The following C2 variants were observed in gnomAD, a reference collection of about 807,000 sequenced individuals.
C2 encodes the protein complement C2, also known as C3/C5 convertase.
In C2, 64 loss-of-function variants were observed where a neutral mutation model predicts 85.2. The observed-to-expected ratio is 0.75, with a 90% CI of 0.61 to 0.92. C2 has a LOEUF of 0.92. Among genes scored for constraint, C2 ranks in the 40% least tolerant of loss-of-function variants. The probability of loss-of-function intolerance (pLI) is 0.00; values close to 1 mark genes in which losing one functional copy is unlikely to be tolerated. For missense variants in C2, 820 were observed against 971.6 expected, an observed-to-expected ratio of 0.84 and a Z score of 2.07; for synonymous variants, 311 against 370.8, an observed-to-expected ratio of 0.84 and a Z score of 1.85.
intron 1 of C2, chr6:31,901,997 G>C (rs1166697426): frequency 6.7e-6 from 1 of 150,074 alleles, no homozygotes; most frequent in Non-Finnish European, 1.5e-5. Flanking sequence ...TGGGCGTAAG[G>C]GGGGAGGGGC....
upstream of C2, among the ~76,000 whole-genome samples, chr6:31,917,323 T>C (rs1673050656): frequency 6.6e-6 from 1 of 151,842 alleles, no homozygotes; most frequent in African/African-American, 2.4e-5. Flanking sequence ...TTAAATCATG[T>C]CCTTTGCAGC....
At chr6:31,932,067 G>C (rs1462709131) in intron 3 of C2, among the ~76,000 whole-genome samples, 1 of 134,312 alleles carries the variant, frequency 7.4e-6, no homozygotes, top group Non-Finnish European at 1.6e-5. Context: ...AGGGGCGGCC[G>C]GGCAGAGGCG....
intron 1 of C2, among the ~76,000 whole-genome samples, chr6:31,902,873 T>C (rs1767459685): frequency 6.6e-6 from 1 of 152,202 alleles, no homozygotes; most frequent in African/African-American, 2.4e-5. Context: ...CTAGGACTAA[T>C]TTTAATGATG....
At chr6:31,911,739 C>T (rs1460610898) in intron 1 of C2, among the ~76,000 whole-genome samples, 2 of 151,630 alleles carry the variant, frequency 1.3e-5, no homozygotes, top group Admixed American at 6.6e-5. Context: ...AAGCAATTCT[C>T]CTGCCTCAGC....
intron 3 of C2, among the ~76,000 whole-genome samples, chr6:31,930,072 A>G (rs1439634785): frequency 2.7e-5 from 4 of 150,364 alleles, no homozygotes; most frequent in Non-Finnish European, 4.4e-5. Context: ...AATCTGATAA[A>G]TGCCATGTAC....
At position 31,927,816 on chromosome 6, in the gene C2, G is replaced by C. The variant is rs1471927054; in HGVS notation, c.46+18G>C. ...GTACCCAGGTAGGAGGCAGGGAAGG[G>C]GGAACGTCAGGGTCCTGTGTGTGAG... On this transcript the variant is annotated intron_variant, in intron 1 of 17. Coordinates refer to ENST00000299367, the MANE Select transcript of C2 (RefSeq NM_000063.6). This position sits in a 1 kb window ranked among gnomAD's most constrained non-coding sequence, Gnocchi z 4.7. 1 of 1,611,708 alleles carries C rather than the reference G, an allele frequency of 6.2e-7. No individual in the cohort carries two copies. Among genetic ancestry groups the C allele is most frequent in the Non-Finnish European group, 8.5e-7 (1 of 1,177,950 alleles).
intron 3 of C2, among the ~76,000 whole-genome samples, chr6:31,929,521 C>T (rs9332708): frequency 0.04 from 5,961 of 150,226 alleles, 175 homozygotes; most frequent in South Asian, 0.12. Context: ...GAGTTTGAGA[C>T]CAGCTTGGCC....
chr6:31,898,021 TCTGGTTGC>T, upstream of C2: 1 of 534,332 alleles, frequency 1.9e-6, no homozygotes, highest in Non-Finnish European at 2.4e-6. Flanking sequence ...TTTTCCCGCC[TCTGGTTGC>T]TTTTCTGCCT....
chr6:31,918,650 A>G (rs916732562), upstream of C2, among the ~76,000 whole-genome samples: 2 of 151,652 alleles, frequency 1.3e-5, no homozygotes, highest in Admixed American at 6.6e-5. Flanking sequence ...CTGTAATTCC[A>G]GCACTTTGGG....
upstream of C2, chr6:31,927,402 C>T (rs1031908112): frequency 3.3e-5 from 32 of 970,276 alleles, no homozygotes; most frequent in South Asian, 5.8e-5. The surrounding 1 kb of genome is among the most constrained non-coding windows in gnomAD (Gnocchi z 4.7). Flanking sequence ...TGTGCACACA[C>T]GAGCCCAAAT....
At chr6:31,913,885 G>A (rs554178145) in intron 1 of C2, among the ~76,000 whole-genome samples, 6 of 151,704 alleles carry the variant, frequency 4.0e-5, no homozygotes, top group African/African-American at 9.7e-5. Context: ...TGATCTGCCC[G>A]CCTTGGCCTC....
At chr6:31,931,896 ACCCCCCC>A (rs1769799005) in intron 3 of C2, among the ~76,000 whole-genome samples, 4 of 123,708 alleles carry the variant, frequency 3.2e-5, no homozygotes, top group African/African-American at 6.1e-5. Flanking sequence ...CGGGGGGCTG[ACCCCCCC>A]ACCTCCCTCC....
rs1364725065 is a variant in C2, at chr6:31,943,510, T to C, written c.1550T>C (p.Leu517Pro). The change falls in exon 12 of 18, where the codon CTG becomes CCG. Residue 517 changes from leucine to proline, a missense_variant. Physicochemically the swap from Leu to Pro is moderately conservative, Grantham distance 98. Coordinates refer to ENST00000299367, the MANE Select transcript of C2 (RefSeq NM_000063.6). The surrounding 1 kb of genome is among the most constrained non-coding windows in gnomAD (Gnocchi z 6.4). ...HCFRDGNDHS[L>P]WRVNVGDPKS... ...TTCCGCGATGGCAACGACCACTCCCTGTGGAGGGTCAATGTGGGTAAGGCA... is the reference window on the plus strand; with the variant it reads ...TTCCGCGATGGCAACGACCACTCCCCGTGGAGGGTCAATGTGGGTAAGGCA... 1.9e-6 allele frequency: 3 copies of C among 1,612,752 alleles called. No individual in the cohort carries two copies. Among genetic ancestry groups the C allele is most frequent in the Non-Finnish European group, 2.5e-6 (3 of 1,179,872 alleles).
At chr6:31,903,788 CAG>C (rs1226687853) in intron 1 of C2, among the ~76,000 whole-genome samples, 1 of 152,064 alleles carries the variant, frequency 6.6e-6, no homozygotes, top group Non-Finnish European at 1.5e-5. Flanking sequence ...GCAGCGTAGA[CAG>C]TGTTTAGGTG....
chr6:31,933,029 T>A (rs1052086035), intron 3 of C2, among the ~76,000 whole-genome samples: 1 of 152,110 alleles, frequency 6.6e-6, no homozygotes. Flanking sequence ...GGCAGGAGAA[T>A]CAGGCAGGGA....
At chr6:31,927,619 C>T (rs1188457638), upstream of C2, 17 of 1,598,406 alleles carry the variant, frequency 1.1e-5, no homozygotes, top group African/African-American at 1.3e-4. This position sits in a 1 kb window ranked among gnomAD's most constrained non-coding sequence, Gnocchi z 4.7. Flanking sequence ...GAAGACCATC[C>T]CCCTTGCCAC....
rs1446983021 is a variant in C2 at position 31,944,033 on chromosome 6, G to T, written c.1810+40G>T. The T allele has an allele frequency of 1.2e-6, 2 of 1,605,298 alleles. No individual in the cohort carries two copies. Among genetic ancestry groups the T allele is most frequent in the East Asian group, 4.5e-5 (2 of 44,864 alleles). On this transcript the variant is annotated intron_variant, in intron 14 of 17. Transcript: ENST00000299367. This position sits in a 1 kb window ranked among gnomAD's most constrained non-coding sequence, Gnocchi z 5.1. ...TTATGGTGCTTGAGAGCTGGGGCCG[G>T]GGTTTGGGGGTGATAACAAGGACTA...
At chr6:31,928,211 C>A in intron 2 of C2, 47 bp downstream of exon 2, 2 of 1,545,684 alleles carry the variant, frequency 1.3e-6, no homozygotes, top group Non-Finnish European at 1.7e-6. Flanking sequence ...CCAGGGGCCA[C>A]CCCAGAACTT....
intron 3 of C2, among the ~76,000 whole-genome samples, chr6:31,932,076 C>T (rs1191130332): frequency 2.3e-5 from 3 of 130,946 alleles, no homozygotes; most frequent in South Asian, 2.5e-4. Context: ...CGGGCAGAGG[C>T]GCCCCTCACT....
Sources: gnomAD v4.1 joint callset for allele counts (sites outside exome capture counted in the v4.1 genomes callset) on GRCh38, gnomAD v4.1.1 for gene constraint, Gnocchi (gnomAD v3.1) non-coding constraint, MANE v1.5 for transcripts, NCBI Gene and HGNC (gene_info 2026-07-23, HGNC 2026-07-21) for gene names.